The following CTNNA3 variants were observed in gnomAD, a reference collection of about 807,000 sequenced individuals.
The protein encoded by CTNNA3 is catenin alpha 3.
CTNNA3 carries 76 observed loss-of-function variants against 95.7 expected under a neutral mutation model. The observed-to-expected ratio is 0.79, with a 90% CI of 0.66 to 0.96. The LOEUF is 0.96. Among genes scored for constraint, CTNNA3 ranks in the 40% least tolerant of loss-of-function variants. CTNNA3 has a pLI of 0.00. For missense variants in CTNNA3, 1,191 were observed against 1,089.8 expected, an observed-to-expected ratio of 1.09 and a Z score of -1.31; for synonymous variants, 431 against 374.4, an observed-to-expected ratio of 1.15 and a Z score of -1.74.
chr10:66,480,698 A>T (rs146403161), intron 11 of CTNNA3, among the ~76,000 whole-genome samples: 25 of 151,992 alleles, frequency 1.6e-4, no homozygotes, highest in Non-Finnish European at 2.9e-4. Flanking sequence ...TCCGTCTCAC[A>T]GGTTCAGCTG....
intron 12 of CTNNA3, among the ~76,000 whole-genome samples, chr10:66,292,076 TACACACACAC>T (rs112723652): frequency 6.7e-6 from 1 of 149,400 alleles, no homozygotes; most frequent in African/African-American, 2.5e-5. Flanking sequence ...CATATACAGA[TACACACACAC>T]ACACACACAT....
intron 14 of CTNNA3, among the ~76,000 whole-genome samples, chr10:66,098,222 C>G (rs1216420439): frequency 6.6e-6 from 1 of 152,104 alleles, no homozygotes; most frequent in African/African-American, 2.4e-5. Context: ...AATATTGACT[C>G]TATAATGCTG....
rs76836478 is a variant in CTNNA3 at position 67,284,794 on chromosome 10, C to T, written c.580-64924G>A. On this transcript the variant is annotated intron_variant, in intron 5 of 17. Coordinates refer to ENST00000433211, the MANE Select transcript of CTNNA3 (RefSeq NM_013266.4). ...ACATTGGAATAAGCTTATAGCATTC[C>T]CAGTGGACATATTTGGCTTAACAAG... is the stretch of plus-strand genomic sequence containing the variant. Among the ~76,000 whole-genome samples, 647 of 152,096 alleles carry T rather than the reference C, an allele frequency of 4.3e-3. 5 individuals carry two copies. Among genetic ancestry groups the T allele is most frequent in the African/African-American group, 0.015 (610 of 41,484 alleles).
intron 10 of CTNNA3, among the ~76,000 whole-genome samples, chr10:66,527,618 C>T (rs1158523975): frequency 6.6e-6 from 1 of 152,032 alleles, no homozygotes; most frequent in Non-Finnish European, 1.5e-5. Context: ...GCAAAAACTA[C>T]AAAGGAAAAG....
At chr10:66,415,037 C>T (rs906696761) in intron 11 of CTNNA3, among the ~76,000 whole-genome samples, 9 of 152,144 alleles carry the variant, frequency 5.9e-5, no homozygotes, top group African/African-American at 2.2e-4. Flanking sequence ...AGGCCATCAT[C>T]ACTGAAGCTG....
chr10:67,262,718 G>C (rs1370544646), intron 5 of CTNNA3, among the ~76,000 whole-genome samples: 1 of 151,978 alleles, frequency 6.6e-6, no homozygotes, highest in African/African-American at 2.4e-5. Flanking sequence ...GAGACAAAAA[G>C]GGGAACAAAT....
At chr10:66,480,597 T>C (rs1839485833) in intron 11 of CTNNA3, among the ~76,000 whole-genome samples, 1 of 151,566 alleles carries the variant, frequency 6.6e-6, no homozygotes, top group Non-Finnish European at 1.5e-5. Flanking sequence ...GTTGGCAAAA[T>C]AATTTATTTA....
intron 7 of CTNNA3, among the ~76,000 whole-genome samples, chr10:67,040,990 T>C (rs1224570086): frequency 6.6e-6 from 1 of 152,122 alleles, no homozygotes; most frequent in Non-Finnish European, 1.5e-5. Flanking sequence ...TTTTATACTT[T>C]TTTTTAGATT....
intron 10 of CTNNA3, among the ~76,000 whole-genome samples, chr10:66,537,590 TATA>T (rs551907462): frequency 3.9e-4 from 58 of 149,270 alleles, no homozygotes; most frequent in African/African-American, 1.3e-3. Flanking sequence ...AATAAATTGT[TATA>T]ATTTTATTTT....
At chr10:65,926,790 A>G (rs1213907633) in intron 17 of CTNNA3, among the ~76,000 whole-genome samples, 3 of 151,506 alleles carry the variant, frequency 2.0e-5, no homozygotes, top group Non-Finnish European at 4.4e-5. Context: ...CTTCATCTAC[A>G]TTTTTTTTCC....
intron 7 of CTNNA3, among the ~76,000 whole-genome samples, chr10:67,023,678 A>G (rs752834150): frequency 6.6e-6 from 1 of 152,216 alleles, no homozygotes; most frequent in Non-Finnish European, 1.5e-5. Context: ...AATTGAGTCA[A>G]TATGTATCGA....
At chr10:67,003,643 T>G (rs1226744129) in intron 7 of CTNNA3, among the ~76,000 whole-genome samples, 2 of 152,192 alleles carry the variant, frequency 1.3e-5, no homozygotes, top group Non-Finnish European at 2.9e-5. Context: ...TCATATTACT[T>G]TTTCAAGTGA....
intron 12 of CTNNA3, among the ~76,000 whole-genome samples, chr10:66,282,661 T>C (rs1321160986): frequency 2.0e-5 from 3 of 151,558 alleles, no homozygotes; most frequent in Non-Finnish European, 2.9e-5. Context: ...ATGTCTAAAT[T>C]CTGCTCATTC....
At chr10:66,887,592 G>A (rs889098024) in intron 7 of CTNNA3, among the ~76,000 whole-genome samples, 3 of 152,064 alleles carry the variant, frequency 2.0e-5, no homozygotes, top group African/African-American at 4.8e-5. Context: ...GAGAACTAGA[G>A]ACCAACAGCC....
chr10:66,090,839 T>C (rs7905238), intron 14 of CTNNA3, among the ~76,000 whole-genome samples: 63,550 of 151,792 alleles, frequency 0.42, 13,479 homozygotes, highest in South Asian at 0.53. Flanking sequence ...ACTTATATAT[T>C]AGAAATACAT....
At chr10:66,686,161 C>T (rs1344739044) in intron 9 of CTNNA3, among the ~76,000 whole-genome samples, 2 of 152,166 alleles carry the variant, frequency 1.3e-5, no homozygotes, top group Non-Finnish European at 2.9e-5. Flanking sequence ...CAAATGGCAT[C>T]CTCAGTATTT....
intron 10 of CTNNA3, among the ~76,000 whole-genome samples, chr10:66,592,296 GGAAA>G (rs1843580004): frequency 6.6e-6 from 1 of 151,408 alleles, no homozygotes; most frequent in African/African-American, 2.5e-5. Flanking sequence ...ACAGTTTTTA[GGAAA>G]CAGAAGTTCC....
intron 13 of CTNNA3, among the ~76,000 whole-genome samples, chr10:66,216,564 T>A (rs763356318): frequency 6.6e-6 from 1 of 152,214 alleles, no homozygotes; most frequent in Non-Finnish European, 1.5e-5. Flanking sequence ...CCAAGCATCA[T>A]AACAAATTAA....
At chr10:66,023,931 A>G (rs2079277585) in intron 15 of CTNNA3, among the ~76,000 whole-genome samples, 1 of 152,150 alleles carries the variant, frequency 6.6e-6, no homozygotes, top group Admixed American at 6.5e-5. Context: ...GTTCTACGAT[A>G]TTTTAACCAA....
Sources: gnomAD v4.1 joint callset for allele counts (sites outside exome capture counted in the v4.1 genomes callset) on GRCh38, gnomAD v4.1.1 for gene constraint, MANE v1.5 for transcripts, NCBI Gene and HGNC (gene_info 2026-07-23, HGNC 2026-07-21) for gene names.